Variants in YPEL5 observed in about 807,000 individuals in gnomAD.
The protein encoded by YPEL5 is yippee like 5.
YPEL5 carries 1 observed loss-of-function variant against 10.5 expected under a neutral mutation model. The observed-to-expected ratio is 0.10, with a 90% CI of 0.03 to 0.45. The LOEUF is 0.45. Ranked by LOEUF, YPEL5 falls within the 20% of genes least tolerant of loss-of-function variation. The pLI is 0.97. For synonymous variants in YPEL5, 61 were observed against 56.6 expected (o/e 1.08, Z -0.35); for missense variants, 68 against 159.3 (o/e 0.43, Z 3.09).
intron 1 of YPEL5, among the ~76,000 whole-genome samples, chr2:30,153,710 C>A (rs961711163): frequency 2.0e-5 from 3 of 152,206 alleles, no homozygotes; most frequent in African/African-American, 7.2e-5. Flanking sequence ...TCTAACTTAT[C>A]TTTCTTAGCA....
At chr2:30,157,066 C>T (rs563589930) in intron 2 of YPEL5, among the ~76,000 whole-genome samples, 132 of 152,026 alleles carry the variant, frequency 8.7e-4, no homozygotes, top group Non-Finnish European at 1.4e-3. Context: ...GGGCAGATCA[C>T]GAGGTCAGGA....
chr2:30,155,154 AT>A (rs1414230626), intron 1 of YPEL5, among the ~76,000 whole-genome samples: 3 of 152,178 alleles, frequency 2.0e-5, no homozygotes, highest in Admixed American at 6.5e-5. Context: ...AAAGTTAAAT[AT>A]TATAGCTTAA....
chr2:30,157,951 C>G (rs1049602986), intron 2 of YPEL5, among the ~76,000 whole-genome samples: 1 of 152,204 alleles, frequency 6.6e-6, no homozygotes, highest in African/African-American at 2.4e-5. Flanking sequence ...TAAAAAGTTG[C>G]AGCAAAGACC....
chr2:30,155,136 G>A (rs1333697435), intron 1 of YPEL5, among the ~76,000 whole-genome samples: 1 of 152,168 alleles, frequency 6.6e-6, no homozygotes, highest in African/African-American at 2.4e-5. Flanking sequence ...TTATAGAAAT[G>A]TAATTAGAAA....
intron 1 of YPEL5, among the ~76,000 whole-genome samples, chr2:30,152,792 A>T (rs954015055): frequency 6.6e-6 from 1 of 151,366 alleles, no homozygotes; most frequent in Non-Finnish European, 1.5e-5. Context: ...CTAAATAATT[A>T]TTAGGTCTAA....
At chr2:30,156,841 G>C (rs1250277431) in intron 2 of YPEL5, 49 bp downstream of exon 2, 2 of 1,601,946 alleles carry the variant, frequency 1.2e-6, no homozygotes, top group Non-Finnish European at 1.7e-6. Flanking sequence ...GGCTGTATTT[G>C]ACAGCAACAC....
chr2:30,156,828 A>T, intron 2 of YPEL5, 36 bp downstream of exon 2: 1 of 1,612,188 alleles, frequency 6.2e-7, no homozygotes. Flanking sequence ...AAGTGGGCTT[A>T]TTGGCTGTAT....
intron 1 of YPEL5, among the ~76,000 whole-genome samples, chr2:30,153,278 T>C (rs916828574): frequency 2.6e-5 from 4 of 152,318 alleles, no homozygotes; most frequent in Non-Finnish European, 5.9e-5. Context: ...GTATGGCTTA[T>C]AAACAACAAA....
At chr2:30,154,800 A>T (rs1250962192) in intron 1 of YPEL5, among the ~76,000 whole-genome samples, 1 of 152,188 alleles carries the variant, frequency 6.6e-6, no homozygotes, top group Non-Finnish European at 1.5e-5. Flanking sequence ...ATGCAGTGGC[A>T]TGATCTTGGC....
At chr2:30,151,579 G>A (rs982132358) in intron 1 of YPEL5, among the ~76,000 whole-genome samples, 6 of 152,232 alleles carry the variant, frequency 3.9e-5, no homozygotes, top group African/African-American at 1.2e-4. Flanking sequence ...GTCAAGCTTG[G>A]TACTTTTCTT....
intron 2 of YPEL5, among the ~76,000 whole-genome samples, chr2:30,158,342 C>T (rs1676132531): frequency 6.6e-6 from 1 of 152,180 alleles, no homozygotes; most frequent in African/African-American, 2.4e-5. Flanking sequence ...TTTTTCTTAC[C>T]TGCAACACAG....
chr2:30,157,751 G>C lies in YPEL5; in HGVS notation c.142-868G>C, dbSNP rs562530024. Among the ~76,000 whole-genome samples the C allele has an allele frequency of 2.0e-4, 30 of 152,316 alleles. No individual in the cohort carries two copies. The South Asian group carries it at 6.2e-3, about 32-fold the overall frequency. Reference sequence around the variant, plus strand: ...AAGATCAGATGAACTTCCCCAGTGGGCACTCCTCTGTTCCATGTAGAAGCA... The same window carrying C: ...AAGATCAGATGAACTTCCCCAGTGGCCACTCCTCTGTTCCATGTAGAAGCA... On this transcript the variant is annotated intron_variant, in intron 2 of 2. Transcript: ENST00000261353.
intron 1 of YPEL5, among the ~76,000 whole-genome samples, chr2:30,151,131 G>T (rs940012748): frequency 1.3e-5 from 2 of 152,110 alleles, no homozygotes; most frequent in African/African-American, 2.4e-5. Context: ...ACCGTATTTC[G>T]CTTGATAGTG....
chr2:30,149,101 G>T (rs1675657443), intron 1 of YPEL5, among the ~76,000 whole-genome samples: 1 of 152,182 alleles, frequency 6.6e-6, no homozygotes, highest in Non-Finnish European at 1.5e-5. Flanking sequence ...ACGAGACCAT[G>T]AAATTGTCTT....
intron 1 of YPEL5, among the ~76,000 whole-genome samples, chr2:30,155,198 C>G (rs570619289): frequency 1.1e-4 from 17 of 152,154 alleles, no homozygotes; most frequent in Non-Finnish European, 2.1e-4. Context: ...CATTGTGATG[C>G]TTGTTAATAT....
At chr2:30,148,141 T>TA (rs1371282675) in intron 1 of YPEL5, 1 of 152,294 alleles carries the variant, frequency 6.6e-6, no homozygotes, top group Non-Finnish European at 1.5e-5. Context: ...GAAATTGAAA[T>TA]ACTACAAAGA....
intron 1 of YPEL5, among the ~76,000 whole-genome samples, chr2:30,153,091 C>T (rs35457834): frequency 0.037 from 5,695 of 152,026 alleles, 180 homozygotes; most frequent in Non-Finnish European, 0.053. Context: ...TTAGTAGAGA[C>T]GGGGTTTCAC....
chr2:30,153,270 A>G (rs1185950708), intron 1 of YPEL5, among the ~76,000 whole-genome samples: 1 of 152,170 alleles, frequency 6.6e-6, no homozygotes, highest in Non-Finnish European at 1.5e-5. Flanking sequence ...TATAGACTGT[A>G]TGGCTTATAA....
rs144811329 is a variant in YPEL5 at position 30,151,867 on chromosome 2, G to T, written c.-24-4761G>T. 3.1e-3 allele frequency among the ~76,000 whole-genome samples: 475 copies of T among 152,280 alleles called. 1 individual carries two copies. The highest frequency in any genetic ancestry group is 0.011 in the African/African-American group (458 of 41,550). ...CTCTTAAGATGTTTTAGAAATACGG[G>T]GCTGAAGAGATCTGGGATTACTCTA... On this transcript the variant is annotated intron_variant, in intron 1 of 2. Coordinates refer to ENST00000261353, the MANE Select transcript of YPEL5 (RefSeq NM_016061.3).
Sources: allele counts gnomAD v4.1 joint callset (sites outside exome capture counted in the v4.1 genomes callset), GRCh38; gene constraint gnomAD v4.1.1; transcripts MANE v1.5; gene names NCBI Gene and HGNC (gene_info 2026-07-23, HGNC 2026-07-21).